The following MAPT variants were observed in gnomAD, a reference collection of about 807,000 sequenced individuals.
MAPT encodes the protein microtubule-associated protein tau.
Under a neutral mutation model 67.9 loss-of-function variants are expected in MAPT, and 34 were observed. The observed-to-expected ratio is 0.50, with a 90% CI of 0.38 to 0.67. The LOEUF is 0.67. Among genes scored for constraint, MAPT ranks in the 30% least tolerant of loss-of-function variants. MAPT has a pLI of 0.00. For missense variants in MAPT, 881 were observed against 1,115.2 expected (o/e 0.79, Z 2.99); for synonymous variants, 456 against 464.5 (o/e 0.98, Z 0.23).
At position 45,962,416 on chromosome 17, in the gene MAPT, G is replaced by T; in HGVS notation, c.79G>T (p.Gly27Trp). The change falls in exon 2 of 13, where the codon GGG becomes TGG. Residue 27 changes from glycine (G) to tryptophan (W), a missense_variant. Gly to Trp is a radical substitution (Grantham distance 184). Coordinates refer to ENST00000262410, the MANE Select transcript of MAPT (RefSeq NM_001377265.1). The part of the protein sequence containing the change: ...TYGLGDRKDQ[G>W]GYTMHQDQEG... ...CGGGTTGGGGGACAGGAAAGATCAGGGGGGCTACACCATGCACCAAGACCA... is the reference window on the plus strand; with the variant it reads ...CGGGTTGGGGGACAGGAAAGATCAGTGGGGCTACACCATGCACCAAGACCA... The T allele has an allele frequency of 1.2e-6, 2 of 1,612,754 alleles. No homozygotes were observed. The highest frequency in any genetic ancestry group is 1.7e-6 in the Non-Finnish European group (2 of 1,179,956).
chr17:45,914,518 G>A (rs1160769673), intron 1 of MAPT, among the ~76,000 whole-genome samples: 5 of 152,154 alleles, frequency 3.3e-5, no homozygotes, highest in Non-Finnish European at 1.5e-5. Flanking sequence ...GAGGAACAAG[G>A]CAGGTACTGT....
intron 1 of MAPT, among the ~76,000 whole-genome samples, chr17:45,951,987 C>T (rs924318065): frequency 6.6e-6 from 1 of 152,028 alleles, no homozygotes; most frequent in Non-Finnish European, 1.5e-5. Flanking sequence ...GGAAAACAGC[C>T]TTGGTGTGTT....
chr17:45,895,106 C>G (rs2063085156), intron 1 of MAPT: 1 of 150,546 alleles, frequency 6.6e-6, no homozygotes. Flanking sequence ...GGTCCGATAA[C>G]GACCCCCGAA....
intron 1 of MAPT, among the ~76,000 whole-genome samples, chr17:45,914,074 A>G (rs1377559526): frequency 6.6e-6 from 1 of 151,800 alleles, no homozygotes; most frequent in African/African-American, 2.4e-5. Flanking sequence ...GGGATTTAAC[A>G]TGAAAAGGTG....
chr17:45,987,269 G>A (rs183932298), intron 6 of MAPT, among the ~76,000 whole-genome samples, 174 bp downstream of exon 6: 46 of 152,308 alleles, frequency 3.0e-4, no homozygotes, highest in African/African-American at 1.1e-3. Context: ...GCATTTATTA[G>A]TTTTGATACT....
At chr17:46,005,731 C>T (rs2075367656) in intron 9 of MAPT, among the ~76,000 whole-genome samples, 1 of 152,224 alleles carries the variant, frequency 6.6e-6, no homozygotes, top group Admixed American at 6.5e-5. Context: ...AAGCCTGTCC[C>T]ACCTCCTTCC....
chr17:46,018,474 CA>C lies in MAPT; in HGVS notation c.2174-143del, dbSNP rs1338627894. ...TGTCATTGTCTTCTTCCCTCCAGAG[CA>C]GTGGCACCCAATCTAATTTTTGCTG... On this transcript the variant is annotated intron_variant, in intron 11 of 12. Transcript: ENST00000262410. The C allele has an allele frequency of 3.9e-6, 3 of 771,340 alleles. No individual in the cohort carries two copies. The African/African-American group carries it at 5.1e-5, about 13-fold the overall frequency. The allele number at this position is 771,340 out of a possible 1,614,324, so 47.8% of individuals were successfully genotyped here. A position where few individuals can be genotyped will look rare whatever the true frequency, so the allele number is the denominator to read the frequency against.
intron 3 of MAPT, chr17:45,974,860 T>C: frequency 3.7e-6 from 1 of 267,224 alleles, no homozygotes; most frequent in Non-Finnish European, 7.4e-6. Flanking sequence ...TCCCAAGGGG[T>C]GGACCCCAAG....
chr17:45,903,944 AAT>A (rs2063878571), intron 1 of MAPT, among the ~76,000 whole-genome samples: 1 of 15,064 alleles, frequency 6.6e-5, no homozygotes, highest in African/African-American at 2.3e-4. Context: ...ATTTATATAT[AAT>A]ATATATTATA....
In MAPT at chr17:45,972,109, C is replaced by T. The variant is rs1263163651; in HGVS notation, c.220+164C>T. ...GTGGGAGCTGAGCCTTGCGTCGATG[C>T]CTTGCTTGCTGGTGCTGAGTGTGGG... On this transcript the variant is annotated intron_variant, in intron 3 of 12. Coordinates refer to ENST00000262410, the MANE Select transcript of MAPT (RefSeq NM_001377265.1). 4 of 708,500 alleles carry T rather than the reference C, an allele frequency of 5.6e-6. No homozygotes were observed. In the Admixed American group the frequency reaches 8.0e-5, roughly 14 times the overall value. 43.9% of individuals were successfully genotyped at this position (708,500 alleles called of 1,614,324 possible). A position where few individuals can be genotyped will look rare whatever the true frequency, so the allele number is the denominator to read the frequency against.
intron 1 of MAPT, among the ~76,000 whole-genome samples, chr17:45,939,276 A>G (rs2067647632): frequency 1.3e-5 from 2 of 152,182 alleles, no homozygotes; most frequent in Non-Finnish European, 2.9e-5. Flanking sequence ...AGATTTAATA[A>G]TTAATACTTT....
chr17:45,985,690 AT>A (rs2073468098), intron 5 of MAPT: 1 of 985,424 alleles, frequency 1.0e-6, no homozygotes, highest in Non-Finnish European at 1.2e-6. Flanking sequence ...GATTTAGCAG[AT>A]TCTTTTGTTG....
intron 5 of MAPT, among the ~76,000 whole-genome samples, chr17:45,986,777 G>T (rs1039057994): frequency 1.3e-5 from 2 of 152,174 alleles, no homozygotes; most frequent in African/African-American, 4.8e-5. Flanking sequence ...TTTCTGCTGC[G>T]TCCCCTCTGC....
At chr17:45,895,691 G>A (rs1323272998) in intron 1 of MAPT, 2 of 152,270 alleles carry the variant, frequency 1.3e-5, no homozygotes, top group Non-Finnish European at 2.9e-5. Context: ...GCGGCAGTGG[G>A]TGTGGACCCT....
chr17:45,904,346 A>AT (rs1555674400), intron 1 of MAPT, among the ~76,000 whole-genome samples: 2 of 78,858 alleles, frequency 2.5e-5, no homozygotes, highest in African/African-American at 9.6e-5. Flanking sequence ...TTATATATAT[A>AT]TTATATATAT....
intron 2 of MAPT, among the ~76,000 whole-genome samples, chr17:45,965,485 G>A (rs572178646): frequency 5.1e-4 from 78 of 151,630 alleles, no homozygotes; most frequent in African/African-American, 1.6e-3. Flanking sequence ...GCGCCATCTC[G>A]GCTCACCGCA....
intron 12 of MAPT, 89 bp from the exon 13 acceptor site, chr17:46,023,867 C>A: frequency 9.2e-7 from 1 of 1,088,492 alleles, no homozygotes; most frequent in Non-Finnish European, 1.4e-6. Context: ...CAGTCCCTGG[C>A]ACTCTGGGCC....
chr17:46,020,357 C>T (rs1353523086), intron 12 of MAPT, among the ~76,000 whole-genome samples: 2 of 152,246 alleles, frequency 1.3e-5, no homozygotes, highest in African/African-American at 2.4e-5. Flanking sequence ...GCACAGGATG[C>T]GGTCTGGTAG....
At chr17:45,941,456 C>T (rs1337985215) in intron 1 of MAPT, among the ~76,000 whole-genome samples, 2 of 151,922 alleles carry the variant, frequency 1.3e-5, no homozygotes, top group Non-Finnish European at 2.9e-5. Context: ...TCTCAGAGAC[C>T]CCTCCTTCCC....
Sources: gnomAD v4.1 joint callset for allele counts (sites outside exome capture counted in the v4.1 genomes callset) on GRCh38, gnomAD v4.1.1 for gene constraint, MANE v1.5 for transcripts, NCBI Gene and HGNC (gene_info 2026-07-23, HGNC 2026-07-21) for gene names.